Variants in SESTD1 observed in about 807,000 individuals in gnomAD.
The protein encoded by SESTD1 is SEC14 domain and spectrin repeat-containing protein 1.
SESTD1 carries 43 observed loss-of-function variants against 101.7 expected under a neutral mutation model. That is an observed-to-expected ratio of 0.42 (90% CI 0.33 to 0.55). The LOEUF (loss-of-function observed/expected upper bound fraction) is 0.55, where lower values mean the gene tolerates loss of function less well. Ranked by LOEUF, SESTD1 falls within the 20% of genes least tolerant of loss-of-function variation. The pLI, the probability that SESTD1 is intolerant of heterozygous loss-of-function variation, is 0.07. For synonymous variants in SESTD1, 283 were observed against 286.8 expected, an observed-to-expected ratio of 0.99 and a Z score of 0.13; for missense variants, 647 against 815.1, an observed-to-expected ratio of 0.79 and a Z score of 2.51.
chr2:179,105,509 A>T lies in SESTD1; in HGVS notation c.*4390T>A, dbSNP rs2044362195. ...AAGATGCATTCTGATACACTAGTGA[A>T]CTGGGGGTGACGGTGAAGGGGTGGT... On this transcript the variant is annotated 3_prime_UTR_variant, in exon 18 of 18. Transcript: ENST00000428443. The T allele has an allele frequency of 6.6e-6, 1 of 152,084 alleles. No individual in the cohort carries two copies. Among genetic ancestry groups the T allele is most frequent in the Admixed American group, 6.6e-5 (1 of 15,250 alleles). 9.4% of individuals were successfully genotyped at this position (152,084 alleles called of 1,614,324 possible).
At chr2:179,158,703 G>C (rs1453094037) in intron 5 of SESTD1, among the ~76,000 whole-genome samples, 1 of 152,100 alleles carries the variant, frequency 6.6e-6, no homozygotes, top group Admixed American at 6.5e-5. Flanking sequence ...GAGAGCTACA[G>C]AAAACTCATT....
chr2:179,195,425 A>G (rs1251059757), intron 1 of SESTD1, among the ~76,000 whole-genome samples: 3 of 152,238 alleles, frequency 2.0e-5, no homozygotes, highest in Non-Finnish European at 4.4e-5. Flanking sequence ...CTCCCCAGCC[A>G]TGCAGAACTG....
chr2:179,154,547 A>G (rs561373812), intron 5 of SESTD1, among the ~76,000 whole-genome samples: 8 of 152,292 alleles, frequency 5.3e-5, no homozygotes, highest in Admixed American at 3.3e-4. Context: ...ACTATTACAA[A>G]TCTCATGATC....
chr2:179,157,404 T>G (rs941662786), intron 5 of SESTD1, among the ~76,000 whole-genome samples: 1 of 152,188 alleles, frequency 6.6e-6, no homozygotes, highest in Non-Finnish European at 1.5e-5. Context: ...AGAGCCCGTA[T>G]AGCCAAACCA....
chr2:179,225,167 G>C, intron 1 of SESTD1, among the ~76,000 whole-genome samples: 1 of 152,082 alleles, frequency 6.6e-6, no homozygotes, highest in Admixed American at 6.6e-5. Context: ...GGTGTCAGCT[G>C]GCAAATTGAT....
Position 179,109,848 on chromosome 2 carries a change from T to G in SESTD1, c.*51A>C. ...GTGTGGTGGCTAATGCTGTAGTATG[T>G]TGACAACATGCGGGATTATGAACTG... On this transcript the variant is annotated 3_prime_UTR_variant, in exon 18 of 18. Transcript: ENST00000428443. 6.2e-7 allele frequency: 1 copy of G among 1,603,164 alleles called. No homozygotes were observed. Among genetic ancestry groups the G allele is most frequent in the Non-Finnish European group, 8.5e-7 (1 of 1,174,418 alleles).
chr2:179,108,185 C>CT lies in SESTD1; in HGVS notation c.*1713dup, dbSNP rs1345665388. 1.3e-5 allele frequency: 2 copies of CT among 152,052 alleles called. No individual in the cohort carries two copies. Among genetic ancestry groups the CT allele is most frequent in the Non-Finnish European group, 2.9e-5 (2 of 68,000 alleles). 9.4% of individuals were successfully genotyped at this position (152,052 alleles called of 1,614,324 possible). On this transcript the variant is annotated 3_prime_UTR_variant, in exon 18 of 18. Coordinates refer to ENST00000428443, the MANE Select transcript of SESTD1 (RefSeq NM_178123.5). ...AGAACATTGGTATAAAATAAAAACT[C>CT]TAAGGATGAGATACCGAGAAAAGAG... is the stretch of plus-strand genomic sequence containing the variant.
In SESTD1 at chr2:179,148,193, TAAC is replaced by T. The variant is rs141350498; in HGVS notation, c.581+1101_581+1103del. ...TGTGACTATATTTGGATTCAAGGAATAACAACAAGCATTTTATTAAGGTTCCAC... is the reference window on the plus strand; with the variant it reads ...TGTGACTATATTTGGATTCAAGGAATAACAAGCATTTTATTAAGGTTCCAC... On this transcript the variant is annotated intron_variant, in intron 7 of 17. Transcript: ENST00000428443. 4.4e-3 allele frequency among the ~76,000 whole-genome samples: 667 copies of T among 152,336 alleles called. 4 individuals carry two copies. Among genetic ancestry groups the T allele is most frequent in the African/African-American group, 0.015 (616 of 41,574 alleles).
At chr2:179,218,827 T>C (rs2046763327) in intron 1 of SESTD1, among the ~76,000 whole-genome samples, 1 of 152,250 alleles carries the variant, frequency 6.6e-6, no homozygotes, top group African/African-American at 2.4e-5. Context: ...TGTATTTATT[T>C]GCTCACTCAA....
rs540554771 is a variant in SESTD1, at chr2:179,151,177, A to T, written c.483+101T>A. On this transcript the variant is annotated intron_variant, in intron 6 of 17. Transcript: ENST00000428443. ...TGCACATATTTCTCCATTTTTGTAA[A>T]AAGAAAAATAATCTATATTTTAATA... 11 of 782,534 alleles carry T rather than the reference A, an allele frequency of 1.4e-5. No homozygotes were observed. In the South Asian group the frequency reaches 3.9e-4, roughly 28 times the overall value. The allele number at this position is 782,534 out of a possible 1,614,324, so 48.5% of individuals were successfully genotyped here.
At chr2:179,225,660 T>C (rs1394149844) in intron 1 of SESTD1, among the ~76,000 whole-genome samples, 1 of 152,140 alleles carries the variant, frequency 6.6e-6, no homozygotes, top group Non-Finnish European at 1.5e-5. Context: ...TCCTCATAGA[T>C]GGTATCGTCT....
chr2:179,247,535 C>A (rs2047251865), intron 1 of SESTD1, among the ~76,000 whole-genome samples: 1 of 152,170 alleles, frequency 6.6e-6, no homozygotes, highest in African/African-American at 2.4e-5. Context: ...CACAATCCCT[C>A]CCACATCAGC....
At chr2:179,262,602 ACT>A (rs2047499032) in intron 1 of SESTD1, among the ~76,000 whole-genome samples, 1 of 152,214 alleles carries the variant, frequency 6.6e-6, no homozygotes, top group Non-Finnish European at 1.5e-5. Context: ...AAGTAAAACT[ACT>A]ATAACAGAGA....
intron 3 of SESTD1, among the ~76,000 whole-genome samples, chr2:179,182,410 A>T (rs568474332): frequency 6.6e-6 from 1 of 152,264 alleles, no homozygotes; most frequent in African/African-American, 2.4e-5. Context: ...ATTGGATCAG[A>T]ATCTCTGGAA....
At chr2:179,145,876 G>C (rs186369610) in intron 8 of SESTD1, among the ~76,000 whole-genome samples, 1 of 152,082 alleles carries the variant, frequency 6.6e-6, no homozygotes, top group African/African-American at 2.4e-5. Flanking sequence ...CACATAAGGA[G>C]TGTTCAATAA....
chr2:179,135,658 T>C (rs1324511055), intron 9 of SESTD1, among the ~76,000 whole-genome samples: 2 of 152,028 alleles, frequency 1.3e-5, no homozygotes, highest in African/African-American at 2.4e-5. Flanking sequence ...GAGGCTGAGA[T>C]TGGAGAATCG....
intron 2 of SESTD1, among the ~76,000 whole-genome samples, chr2:179,190,396 G>T (rs1213075828): frequency 6.6e-6 from 1 of 152,080 alleles, no homozygotes; most frequent in Non-Finnish European, 1.5e-5. Context: ...AACTCAAGAT[G>T]AATTAAAGAC....
chr2:179,197,751 G>C (rs1277112989), intron 1 of SESTD1, among the ~76,000 whole-genome samples: 1 of 151,944 alleles, frequency 6.6e-6, no homozygotes, highest in Non-Finnish European at 1.5e-5. Flanking sequence ...TTACAGACAA[G>C]CAAATGCTGA....
intron 6 of SESTD1, among the ~76,000 whole-genome samples, chr2:179,150,166 AGT>A (rs1575444613): frequency 6.6e-6 from 1 of 152,208 alleles, no homozygotes; most frequent in African/African-American, 2.4e-5. Context: ...TAAAGGTTGC[AGT>A]GTGTGGTGAT....
Sources: allele counts gnomAD v4.1 joint callset (sites outside exome capture counted in the v4.1 genomes callset), GRCh38; gene constraint gnomAD v4.1.1; transcripts MANE v1.5; gene names NCBI Gene and HGNC (gene_info 2026-07-23, HGNC 2026-07-21).